Variants in FAM184B observed in about 807,000 individuals in gnomAD.
FAM184B encodes family with sequence similarity 184 member B, also known as protein FAM184B.
Under a neutral mutation model 135.9 loss-of-function variants are expected in FAM184B, and 111 were observed. The observed-to-expected ratio is 0.82, with a 90% CI of 0.70 to 0.96. The LOEUF (loss-of-function observed/expected upper bound fraction) is 0.96, where lower values mean the gene tolerates loss of function less well. FAM184B is among the 40% of genes least tolerant of loss of function. The probability of loss-of-function intolerance (pLI) is 0.00; values close to 1 mark genes in which losing one functional copy is unlikely to be tolerated. For synonymous variants in FAM184B, 552 were observed against 524.8 expected, an observed-to-expected ratio of 1.05 and a Z score of -0.71; for missense variants, 1,375 against 1,323.9, an observed-to-expected ratio of 1.04 and a Z score of -0.60.
At chr4:17,721,417 C>T (rs1433005918) in intron 1 of FAM184B, among the ~76,000 whole-genome samples, 3 of 70,534 alleles carry the variant, frequency 4.3e-5, no homozygotes, top group Non-Finnish European at 7.6e-5. Flanking sequence ...TCTCTTTGCC[C>T]TAGCAGAAAG....
At chr4:17,685,410 G>T (rs754498186) in intron 7 of FAM184B, among the ~76,000 whole-genome samples, 1 of 151,480 alleles carries the variant, frequency 6.6e-6, no homozygotes, top group Non-Finnish European at 1.5e-5. Flanking sequence ...TTAGTCGGGC[G>T]TGGTGGTGTG....
chr4:17,769,637 G>T (rs1718768916), intron 1 of FAM184B, among the ~76,000 whole-genome samples: 1 of 152,148 alleles, frequency 6.6e-6, no homozygotes, highest in Admixed American at 6.5e-5. Flanking sequence ...CTTGAAATGA[G>T]ATGCTAGACC....
At chr4:17,663,633 CA>C in intron 8 of FAM184B, among the ~76,000 whole-genome samples, 1 of 151,906 alleles carries the variant, frequency 6.6e-6, no homozygotes, top group Non-Finnish European at 1.5e-5. Context: ...CACACACACA[CA>C]CACACACACA....
Position 17,635,066 on chromosome 4 carries a change from G to A in FAM184B, c.2832C>T (p.His944=), listed in dbSNP as rs1715084012. The A allele has an allele frequency of 1.3e-6, 2 of 1,551,738 alleles. No homozygotes were observed. The highest frequency in any genetic ancestry group is 1.4e-5 in the African/African-American group (1 of 73,058). ...GATTGAAAGAGAAAGACCGATTCCG[G>A]TGGGACATGGCACTGGGGAATGCTG... ...HYAAFPSAMS[H]RNRSFSFNPH... Residue 944 remains histidine (H), a synonymous_variant, in exon 16 of 18, where the codon CAC becomes CAT. Transcript: ENST00000265018.
intron 1 of FAM184B, among the ~76,000 whole-genome samples, chr4:17,766,111 G>A (rs531239501): frequency 1.1e-4 from 17 of 152,184 alleles, no homozygotes; most frequent in African/African-American, 3.6e-4. Flanking sequence ...GAGCAAGATT[G>A]GGAAGGTAAC....
intron 1 of FAM184B, among the ~76,000 whole-genome samples, chr4:17,739,631 G>A (rs1027322670): frequency 1.5e-5 from 2 of 130,032 alleles, no homozygotes; most frequent in South Asian, 2.7e-4. Context: ...TTGGCTCACC[G>A]GCAACCTCTG....
At chr4:17,653,025 T>G (rs3815413) in intron 10 of FAM184B, 42 bp from the exon 11 acceptor site, 1 of 1,545,520 alleles carries the variant, frequency 6.5e-7, no homozygotes, top group East Asian at 2.4e-5. Flanking sequence ...AAAGTGGGCA[T>G]GAGGGTGGGA....
At chr4:17,666,179 C>T (rs377234908) in intron 7 of FAM184B, among the ~76,000 whole-genome samples, 26 of 151,982 alleles carry the variant, frequency 1.7e-4, no homozygotes, top group African/African-American at 2.2e-4. Flanking sequence ...TACTTATTAA[C>T]GATGTGACCT....
At chr4:17,685,042 G>A (rs568756796) in intron 7 of FAM184B, among the ~76,000 whole-genome samples, 2 of 152,028 alleles carry the variant, frequency 1.3e-5, no homozygotes, top group African/African-American at 4.8e-5. Flanking sequence ...GGGGCCTGTT[G>A]AGGGAGGGTG....
chr4:17,781,075 G>C lies in FAM184B; in HGVS notation c.141+84C>G. ...AAGTTTCTGTCTGGATTTGGCCCGG[G>C]CCTCCCGGGAGGCGCATCCGCACTG... is the stretch of plus-strand genomic sequence containing the variant. On this transcript the variant is annotated intron_variant, in intron 1 of 17. Coordinates refer to ENST00000265018, the MANE Select transcript of FAM184B (RefSeq NM_015688.2). The surrounding 1 kb of genome is among the most constrained non-coding windows in gnomAD (Gnocchi z 6.5). 7.1e-7 allele frequency: 1 copy of C among 1,410,514 alleles called. No individual in the cohort carries two copies. The highest frequency in any genetic ancestry group is 9.3e-7 in the Non-Finnish European group (1 of 1,074,556). The allele number at this position is 1,410,514 out of a possible 1,614,324, so 87.4% of individuals were successfully genotyped here.
At chr4:17,708,136 T>C (rs1301912082) in intron 2 of FAM184B, among the ~76,000 whole-genome samples, 6 of 152,184 alleles carry the variant, frequency 3.9e-5, no homozygotes, top group African/African-American at 1.4e-4. Flanking sequence ...TAGGTTGCTA[T>C]GAAACTAACA....
At chr4:17,685,525 G>T (rs1264301409) in intron 7 of FAM184B, among the ~76,000 whole-genome samples, 5 of 143,984 alleles carry the variant, frequency 3.5e-5, no homozygotes, top group Admixed American at 7.1e-5. Context: ...CTCCAGCCTG[G>T]GTGACACTGG....
chr4:17,709,369 C>G lies in FAM184B; in HGVS notation c.417G>C (p.Glu139Asp). The G allele has an allele frequency of 6.5e-7, 1 of 1,543,016 alleles. No individual in the cohort carries two copies. The change falls in exon 2 of 18, where the codon GAG becomes GAC. Residue 139 changes from glutamate to aspartate, a missense_variant. Physicochemically the swap from Glu to Asp is conservative, Grantham distance 45. Transcript: ENST00000265018. ...AGAGCGTGAGGACTCGCTCGGCGTG[C>G]TCTGCCTCCACCCTCAGCTCTCTCT... ...TKERELRVEAEHAERVLTLSR... is the reference protein window; with the variant it reads ...TKERELRVEADHAERVLTLSR...
intron 1 of FAM184B, among the ~76,000 whole-genome samples, chr4:17,727,275 C>T (rs1246683300): frequency 6.6e-6 from 1 of 152,138 alleles, no homozygotes; most frequent in Non-Finnish European, 1.5e-5. Context: ...AAAGATGGCA[C>T]AGGATGAAGG....
intron 5 of FAM184B, among the ~76,000 whole-genome samples, chr4:17,701,436 C>G (rs887002018): frequency 6.6e-6 from 1 of 152,200 alleles, no homozygotes; most frequent in Non-Finnish European, 1.5e-5. Context: ...AAAACAACAA[C>G]AGAGCTGAGG....
intron 1 of FAM184B, among the ~76,000 whole-genome samples, chr4:17,717,072 A>C (rs1013107712): frequency 1.3e-5 from 2 of 152,118 alleles, no homozygotes; most frequent in Non-Finnish European, 2.9e-5. Flanking sequence ...CAGCCTCCCA[A>C]AGTGCTAGGA....
rs770538373 is a variant in FAM184B, at chr4:17,775,960, T to G, written c.141+5199A>C. On this transcript the variant is annotated intron_variant, in intron 1 of 17. Transcript: ENST00000265018. ...ACTTCACTACCACGTATTGTATCCA[T>G]GTAAAAAGCACATTTGTACCCCCTA... is the stretch of plus-strand genomic sequence containing the variant. 2.2e-4 allele frequency among the ~76,000 whole-genome samples: 34 copies of G among 152,300 alleles called. 3 individuals carry two copies. The South Asian group carries it at 2.7e-3, about 12-fold the overall frequency.
intron 7 of FAM184B, among the ~76,000 whole-genome samples, chr4:17,676,708 T>C (rs1357616998): frequency 6.6e-6 from 1 of 152,220 alleles, no homozygotes; most frequent in Non-Finnish European, 1.5e-5. Context: ...AATGATGACA[T>C]AGCCATTGTA....
rs1714982627 is a variant in FAM184B at position 17,632,487 on chromosome 4, T to C, written c.*45A>G. On this transcript the variant is annotated 3_prime_UTR_variant, in exon 18 of 18. Coordinates refer to ENST00000265018, the MANE Select transcript of FAM184B (RefSeq NM_015688.2). ...ATTCCTTCAATCGGATGATTTAAAATAAATGTTTTTCAAGTATCCTCTGTG... is the reference window on the plus strand; with the variant it reads ...ATTCCTTCAATCGGATGATTTAAAACAAATGTTTTTCAAGTATCCTCTGTG... The C allele has an allele frequency of 7.1e-7, 1 of 1,408,660 alleles. No homozygotes were observed. Among genetic ancestry groups the C allele is most frequent in the African/African-American group, 1.4e-5 (1 of 69,734 alleles). The allele number at this position is 1,408,660 out of a possible 1,614,324, so 87.3% of individuals were successfully genotyped here. A position where few individuals can be genotyped will look rare whatever the true frequency, so the allele number is the denominator to read the frequency against.
Sources: gnomAD v4.1 joint callset for allele counts (sites outside exome capture counted in the v4.1 genomes callset) on GRCh38, gnomAD v4.1.1 for gene constraint, Gnocchi (gnomAD v3.1) non-coding constraint, MANE v1.5 for transcripts, NCBI Gene and HGNC (gene_info 2026-07-23, HGNC 2026-07-21) for gene names.